GRIN2C: variants seen among roughly 807,000 people sequenced by gnomAD.
GRIN2C encodes glutamate receptor ionotropic, NMDA 2C.
GRIN2C carries 64 observed loss-of-function variants against 77.7 expected under a neutral mutation model. The ratio of observed to expected loss-of-function variants is 0.82; its 90% confidence interval spans 0.67 to 1.01. The LOEUF (loss-of-function observed/expected upper bound fraction) is 1.01, where lower values mean the gene tolerates loss of function less well. Ranked by LOEUF, GRIN2C falls within the 50% of genes least tolerant of loss-of-function variation. The pLI is 0.00. For synonymous variants in GRIN2C, 792 were observed against 643.4 expected, an observed-to-expected ratio of 1.23 and a Z score of -3.49; for missense variants, 1,549 against 1,486.0, an observed-to-expected ratio of 1.04 and a Z score of -0.70.
chr17:74,851,138 G>C, intron 4 of GRIN2C: 1 of 342,268 alleles, frequency 2.9e-6, no homozygotes, highest in Non-Finnish European at 5.4e-6. Context: ...CCACAGCCCA[G>C]CTCAAATATC....
chr17:74,859,122 C>G lies in GRIN2C; in HGVS notation c.-16+622G>C, dbSNP rs931840064. 6.6e-6 allele frequency among the ~76,000 whole-genome samples: 1 copy of G among 152,208 alleles called. No homozygotes were observed. Among genetic ancestry groups the G allele is most frequent in the African/African-American group, 2.4e-5 (1 of 41,446 alleles). ...CATTAACACCCTGCCCCACACTGGA[C>G]TGCGGGCTCCTTGAGGGCAGACACA... On this transcript the variant is annotated intron_variant, in intron 1 of 12. Coordinates refer to ENST00000293190, the MANE Select transcript of GRIN2C (RefSeq NM_000835.6). This position sits in a 1 kb window ranked among gnomAD's most constrained non-coding sequence, Gnocchi z 5.9.
rs1262531384 is a variant in GRIN2C at position 74,842,312 on chromosome 17, C to T, written c.*123G>A. The stretch of plus-strand genomic sequence containing the variant: ...GATGACCATGGAAGACATCATCTGT[C>T]ACTGGGGTCCCATGGCCAGGATTTC... On this transcript the variant is annotated 3_prime_UTR_variant, in exon 13 of 13. Coordinates refer to ENST00000293190, the MANE Select transcript of GRIN2C (RefSeq NM_000835.6). 2 of 620,178 alleles carry T rather than the reference C, an allele frequency of 3.2e-6. No individual in the cohort carries two copies. The highest frequency in any genetic ancestry group is 5.8e-6 in the Non-Finnish European group (2 of 342,316). 38.4% of individuals were successfully genotyped at this position (620,178 alleles called of 1,614,324 possible). A position where few individuals can be genotyped will look rare whatever the true frequency, so the allele number is the denominator to read the frequency against.
chr17:74,858,875 G>T (rs891108469), intron 1 of GRIN2C, among the ~76,000 whole-genome samples: 1 of 152,086 alleles, frequency 6.6e-6, no homozygotes, highest in East Asian at 1.9e-4. Context: ...AGGCTGGAAT[G>T]TCCTCATCCC....
chr17:74,843,629 C>T (rs2037372294), intron 12 of GRIN2C, 76 bp from the exon 13 acceptor site: 1 of 1,489,740 alleles, frequency 6.7e-7, no homozygotes, highest in Non-Finnish European at 9.0e-7. Context: ...CCTGCCTGGT[C>T]CCAAGGCATC....
At chr17:74,861,101 G>T (rs1188817301), upstream of GRIN2C, among the ~76,000 whole-genome samples, 1 of 152,166 alleles carries the variant, frequency 6.6e-6, no homozygotes, top group Non-Finnish European at 1.5e-5. Flanking sequence ...GTGCTGCCGC[G>T]CCAAGCGAAG....
In GRIN2C at chr17:74,842,572, C is replaced by T. The variant is rs1305707015; in HGVS notation, c.3565G>A (p.Gly1189Ser). The change falls in exon 13 of 13, where the codon GGC becomes AGC. Residue 1189 changes from glycine (G) to serine (S), a missense_variant. Physicochemically the swap from Gly to Ser is moderately conservative, Grantham distance 56. Around this residue, in one of 3 missense-constraint regions of GRIN2C, gnomAD observed 450 missense variants for 267.9 expected, o/e 1.68. Coordinates refer to ENST00000293190, the MANE Select transcript of GRIN2C (RefSeq NM_000835.6). Reference sequence around the variant, plus strand: ...CCTGTGCCCAGCCCCAGAGTCCTGCCCCTGTGCCCCAGAGGCCCCCAGGCC... The same window carrying T: ...CCTGTGCCCAGCCCCAGAGTCCTGCTCCTGTGCCCCAGAGGCCCCCAGGCC... ...SGAWGPLGHR[G>S]RTLGLGTGYR... The T allele has an allele frequency of 2.6e-6, 2 of 772,150 alleles. No homozygotes were observed. Among genetic ancestry groups the T allele is most frequent in the South Asian group, 2.7e-5 (2 of 73,828 alleles). 47.8% of individuals were successfully genotyped at this position (772,150 alleles called of 1,614,324 possible).
intron 7 of GRIN2C, among the ~76,000 whole-genome samples, chr17:74,848,805 C>T (rs578202855): frequency 6.6e-6 from 1 of 152,118 alleles, no homozygotes; most frequent in Non-Finnish European, 1.5e-5. Context: ...TGCTTGAGTC[C>T]AGGAGTTTGG....
In GRIN2C at chr17:74,846,787, T is replaced by G; in HGVS notation, c.2135A>C (p.Glu712Ala). 2 of 1,614,016 alleles carry G rather than the reference T, an allele frequency of 1.2e-6. No homozygotes were observed. Among genetic ancestry groups the G allele is most frequent in the Non-Finnish European group, 8.5e-7 (1 of 1,179,984 alleles). ...CATCTTGAGGCTGGTGAGCGCGTCCTCCACCGAGCGCTGGTTGAACTTGAC... is the reference window on the plus strand; with the variant it reads ...CATCTTGAGGCTGGTGAGCGCGTCCGCCACCGAGCGCTGGTTGAACTTGAC... ...HMVKFNQRSV[E>A]DALTSLKMGK... Residue 712 changes from glutamate (E) to alanine (A), a missense_variant, in exon 10 of 13, where the codon GAG (glutamate) becomes GCG (alanine). Around this residue, in one of 3 missense-constraint regions of GRIN2C, gnomAD observed 717 missense variants for 858.1 expected, o/e 0.84. Transcript: ENST00000293190. This position sits in a 1 kb window ranked among gnomAD's most constrained non-coding sequence, Gnocchi z 4.4.
chr17:74,849,877 G>C lies in GRIN2C; in HGVS notation c.1548C>G (p.Arg516=), dbSNP rs1461794016. 2 of 1,613,628 alleles carry C rather than the reference G, an allele frequency of 1.2e-6. No individual in the cohort carries two copies. The highest frequency in any genetic ancestry group is 1.7e-6 in the Non-Finnish European group (2 of 1,179,866). ...AIGSLTINEE[R]SEIVDFSVPF... The stretch of plus-strand genomic sequence containing the variant: ...GTACAGAGAAGTCTACGATCTCGGA[G>C]CGTTCCTCATTGATGGTGAGGGAGC... Residue 516 remains arginine (R), a synonymous_variant, in exon 7 of 13, where the codon CGC becomes CGG. Transcript: ENST00000293190. The surrounding 1 kb of genome is among the most constrained non-coding windows in gnomAD (Gnocchi z 4.6).
chr17:74,854,938 G>A lies in GRIN2C; in HGVS notation c.155C>T (p.Pro52Leu), dbSNP rs752702073. ...PQAQFRARLT[P>L]QSFLDLPLEI... is the part of the protein sequence containing the mutation. ...CAGGGGTAGGTCCAGGAAGCTCTGG[G>A]GGGTGAGGCGGGCACGGAACTGGGC... is the stretch of plus-strand genomic sequence containing the variant. Residue 52 changes from proline (P) to leucine (L), a missense_variant, in exon 2 of 13, where the codon CCC becomes CTC. By Grantham distance (98) the Pro-to-Leu change is moderately conservative. This residue lies in a region of GRIN2C where 382 missense variants were observed against 360.0 expected (regional missense o/e 1.06). Transcript: ENST00000293190. The A allele has an allele frequency of 1.9e-6, 3 of 1,613,390 alleles. No individual in the cohort carries two copies. The highest frequency in any genetic ancestry group is 1.1e-5 in the South Asian group (1 of 91,046).
chr17:74,846,299 A>G lies in GRIN2C; in HGVS notation c.2163-46T>C. On this transcript the variant is annotated intron_variant, in intron 10 of 12. Coordinates refer to ENST00000293190, the MANE Select transcript of GRIN2C (RefSeq NM_000835.6). This position sits in a 1 kb window ranked among gnomAD's most constrained non-coding sequence, Gnocchi z 4.4. Reference sequence around the variant, plus strand: ...AGAGCTAGGGACCATATGGGAGGGGAGGGGACACCGAAACTGGGGCGTGAC... The same window carrying G: ...AGAGCTAGGGACCATATGGGAGGGGGGGGGACACCGAAACTGGGGCGTGAC... 1 of 1,561,744 alleles carries G rather than the reference A, an allele frequency of 6.4e-7. No individual in the cohort carries two copies. Among genetic ancestry groups the G allele is most frequent in the Non-Finnish European group, 8.8e-7 (1 of 1,135,120 alleles).
Position 74,843,017 on chromosome 17 carries a change from G to T in GRIN2C, c.3120C>A (p.Arg1040=). 1 of 501,186 alleles carries T rather than the reference G, an allele frequency of 2.0e-6. No individual in the cohort carries two copies. The allele number at this position is 501,186 out of a possible 1,614,324, so 31.0% of individuals were successfully genotyped here. ...SSFPRADRSG[R]PFLPLFPELE... ...GCTCCGGGAAGAGCGGGAGGAAGGG[G>T]CGGCCGGATCGGTCGGCTCGAGGAA... Residue 1040 remains arginine, a synonymous_variant, in exon 13 of 13, where the codon CGC becomes CGA. Coordinates refer to ENST00000293190, the MANE Select transcript of GRIN2C (RefSeq NM_000835.6).
chr17:74,842,273 C>G lies in GRIN2C; in HGVS notation c.*162G>C, dbSNP rs2037306696. 2 of 580,236 alleles carry G rather than the reference C, an allele frequency of 3.4e-6. No individual in the cohort carries two copies. The highest frequency in any genetic ancestry group is 3.8e-5 in the African/African-American group (2 of 52,600). The allele number at this position is 580,236 out of a possible 1,614,324, so 35.9% of individuals were successfully genotyped here. A position where few individuals can be genotyped will look rare whatever the true frequency, so the allele number is the denominator to read the frequency against. ...GCCCAGCCCTCACCATGATTTGAGG[C>G]TACTGAGGTCACTGATGACCATGGA... On this transcript the variant is annotated 3_prime_UTR_variant, in exon 13 of 13. Coordinates refer to ENST00000293190, the MANE Select transcript of GRIN2C (RefSeq NM_000835.6).
In GRIN2C at chr17:74,846,780, C is replaced by G. The variant is rs923185095; in HGVS notation, c.2142G>C (p.Ala714=). ...VKFNQRSVED[A]LTSLKMGKLD... ...CCCACCCCATCTTGAGGCTGGTGAGCGCGTCCTCCACCGAGCGCTGGTTGA... is the reference window on the plus strand; with the variant it reads ...CCCACCCCATCTTGAGGCTGGTGAGGGCGTCCTCCACCGAGCGCTGGTTGA... Residue 714 remains alanine, a synonymous_variant, in exon 10 of 13, where the codon GCG becomes GCC. Coordinates refer to ENST00000293190, the MANE Select transcript of GRIN2C (RefSeq NM_000835.6). This position sits in a 1 kb window ranked among gnomAD's most constrained non-coding sequence, Gnocchi z 4.4. 1 of 1,613,532 alleles carries G rather than the reference C, an allele frequency of 6.2e-7. No homozygotes were observed. Among genetic ancestry groups the G allele is most frequent in the South Asian group, 1.1e-5 (1 of 91,020 alleles).
intron 1 of GRIN2C, among the ~76,000 whole-genome samples, chr17:74,858,495 G>A (rs1022373855): frequency 6.6e-5 from 10 of 151,966 alleles, no homozygotes; most frequent in Non-Finnish European, 1.3e-4. Flanking sequence ...GCAGACTCAA[G>A]GAGCTTCCGA....
intron 2 of GRIN2C, 68 bp downstream of exon 2, chr17:74,854,626 C>A (rs745959030): frequency 7.1e-7 from 1 of 1,413,162 alleles, no homozygotes; most frequent in Non-Finnish European, 9.8e-7. Context: ...TTCCCAGAAC[C>A]AAAGCACCCC....
chr17:74,847,216 TC>T lies in GRIN2C; in HGVS notation c.2001+91del. On this transcript the variant is annotated intron_variant, in intron 9 of 12. Transcript: ENST00000293190. This position sits in a 1 kb window ranked among gnomAD's most constrained non-coding sequence, Gnocchi z 5.2. ...TCCTGCCCCAGCCTCCAGGTCAAAT[TC>T]CCCAGACTCGACTGTCCAGGGCCTG... The T allele has an allele frequency of 9.9e-7, 1 of 1,013,030 alleles. No individual in the cohort carries two copies. The highest frequency in any genetic ancestry group is 1.5e-6 in the Non-Finnish European group (1 of 668,946). 62.8% of individuals were successfully genotyped at this position (1,013,030 alleles called of 1,614,324 possible). A position where few individuals can be genotyped will look rare whatever the true frequency, so the allele number is the denominator to read the frequency against.
At chr17:74,856,942 C>T (rs1310332216) in intron 1 of GRIN2C, among the ~76,000 whole-genome samples, 1 of 152,104 alleles carries the variant, frequency 6.6e-6, no homozygotes, top group Non-Finnish European at 1.5e-5. Flanking sequence ...CTGAAAGGAT[C>T]CCTCCAGGGA....
At chr17:74,860,641 C>T (rs1448998253), upstream of GRIN2C, 1 of 386,900 alleles carries the variant, frequency 2.6e-6, no homozygotes, top group Non-Finnish European at 5.2e-6. Context: ...CAGGGCCCAG[C>T]GCCAGGTCTT....
Sources: allele counts gnomAD v4.1 joint callset (sites outside exome capture counted in the v4.1 genomes callset), GRCh38; gene constraint gnomAD v4.1.1; regional missense constraint gnomAD v4.1.1; non-coding constraint Gnocchi (gnomAD v3.1); transcripts MANE v1.5; gene names NCBI Gene and HGNC (gene_info 2026-07-23, HGNC 2026-07-21).